Variants in DACH1 observed in about 807,000 individuals in gnomAD.
The protein encoded by DACH1 is dachshund family transcription factor 1.
A neutral mutation model predicts 54.2 loss-of-function variants in DACH1; 12 were observed. That is an observed-to-expected ratio of 0.22 (90% CI 0.14 to 0.36). DACH1 has a LOEUF of 0.36. Ranked by LOEUF, DACH1 falls within the 10% of genes least tolerant of loss-of-function variation. The probability of loss-of-function intolerance (pLI) is 1.00; values close to 1 mark genes in which losing one functional copy is unlikely to be tolerated. For synonymous variants in DACH1, 386 were observed against 366.2 expected, an observed-to-expected ratio of 1.05 and a Z score of -0.62; for missense variants, 805 against 929.8, an observed-to-expected ratio of 0.87 and a Z score of 1.75.
chr13:71,816,776 T>C (rs1324019518), intron 1 of DACH1, among the ~76,000 whole-genome samples: 1 of 151,618 alleles, frequency 6.6e-6, no homozygotes, highest in Non-Finnish European at 1.5e-5. Flanking sequence ...TGGATGGAGA[T>C]GGAGGCCATT....
At chr13:71,748,665 G>A (rs541754747) in intron 1 of DACH1, among the ~76,000 whole-genome samples, 1 of 152,182 alleles carries the variant, frequency 6.6e-6, no homozygotes, top group African/African-American at 2.4e-5. Flanking sequence ...AAGCTAACTG[G>A]AAGTCTGCTT....
At chr13:71,669,385 C>T (rs562418926) in intron 2 of DACH1, among the ~76,000 whole-genome samples, 9 of 152,128 alleles carry the variant, frequency 5.9e-5, no homozygotes, top group African/African-American at 1.4e-4. Context: ...ACTGCACATG[C>T]GAGAGATCTA....
intron 6 of DACH1, among the ~76,000 whole-genome samples, chr13:71,530,140 C>A (rs902802480): frequency 3.3e-5 from 5 of 152,076 alleles, no homozygotes; most frequent in Admixed American, 2.0e-4. Context: ...TAACACAACA[C>A]CATCATTGAA....
intron 1 of DACH1, among the ~76,000 whole-genome samples, chr13:71,843,569 A>G (rs528606373): frequency 6.6e-6 from 1 of 152,114 alleles, no homozygotes; most frequent in Non-Finnish European, 1.5e-5. Flanking sequence ...CCAATCATGA[A>G]TGTTATTTAA....
intron 3 of DACH1, 50 bp downstream of exon 3, chr13:71,630,505 TA>T: frequency 6.7e-7 from 1 of 1,503,702 alleles, no homozygotes; most frequent in Non-Finnish European, 8.8e-7. Flanking sequence ...GCATTTACTG[TA>T]ATTCAGTAGC....
rs73525412 is a variant in DACH1, at chr13:71,748,009, C to G, written c.849-66099G>C. On this transcript the variant is annotated intron_variant, in intron 1 of 10. Transcript: ENST00000613252. ...AAAGCAAAAAGCAATATGGAGAGAC[C>G]TTTGGGGGACAGCATGTTGACTTCC... is the stretch of plus-strand genomic sequence containing the variant. Among the ~76,000 whole-genome samples the G allele has an allele frequency of 5.9e-3, 904 of 152,104 alleles. 13 individuals are homozygous for G. Among genetic ancestry groups the G allele is most frequent in the African/African-American group, 0.021 (853 of 41,492 alleles).
intron 7 of DACH1, among the ~76,000 whole-genome samples, chr13:71,485,381 TA>T (rs1272302061): frequency 6.6e-6 from 1 of 151,228 alleles, no homozygotes; most frequent in Non-Finnish European, 1.5e-5. Flanking sequence ...TTTTAATTTC[TA>T]AAACACTCAA....
chr13:71,683,831 C>T (rs1454555648), intron 1 of DACH1, among the ~76,000 whole-genome samples: 1 of 152,010 alleles, frequency 6.6e-6, no homozygotes, highest in Non-Finnish European at 1.5e-5. Flanking sequence ...AAATATATAT[C>T]TATAGCCCAT....
At chr13:71,735,183 A>T (rs199745028) in intron 1 of DACH1, among the ~76,000 whole-genome samples, 13,036 of 52,854 alleles carry the variant, frequency 0.25, 4,580 homozygotes, top group Non-Finnish European at 0.42. Context: ...CGTATATGGG[A>T]TATACGTATG....
At chr13:71,594,179 T>A (rs1392365143) in intron 3 of DACH1, among the ~76,000 whole-genome samples, 1 of 151,516 alleles carries the variant, frequency 6.6e-6, no homozygotes, top group Non-Finnish European at 1.5e-5. Flanking sequence ...ATAAAAAAAT[T>A]TTTAGAAAGT....
chr13:71,788,308 C>G (rs1163505986), intron 1 of DACH1, among the ~76,000 whole-genome samples: 3 of 152,064 alleles, frequency 2.0e-5, no homozygotes, highest in East Asian at 3.9e-4. Context: ...AATGTTCTTT[C>G]CAATTCATAC....
intron 1 of DACH1, among the ~76,000 whole-genome samples, chr13:71,859,533 A>C (rs1245077828): frequency 6.6e-6 from 1 of 151,872 alleles, no homozygotes; most frequent in East Asian, 1.9e-4. Context: ...TTTATAGTGG[A>C]TTGAAAATTC....
At chr13:71,695,462 G>A (rs1881777673) in intron 1 of DACH1, among the ~76,000 whole-genome samples, 1 of 152,182 alleles carries the variant, frequency 6.6e-6, no homozygotes, top group Non-Finnish European at 1.5e-5. Context: ...AAAAAGAGAA[G>A]AAACTCTCAG....
chr13:71,677,561 T>G (rs933291411), intron 2 of DACH1, among the ~76,000 whole-genome samples: 1 of 152,172 alleles, frequency 6.6e-6, no homozygotes, highest in Non-Finnish European at 1.5e-5. Context: ...TACTTAATAT[T>G]AAGACTGGGA....
At chr13:71,757,834 T>C (rs1280187133) in intron 1 of DACH1, among the ~76,000 whole-genome samples, 1 of 152,134 alleles carries the variant, frequency 6.6e-6, no homozygotes, top group Non-Finnish European at 1.5e-5. Context: ...TAAAGGTACT[T>C]TGAAAGTAGC....
intron 3 of DACH1, among the ~76,000 whole-genome samples, chr13:71,581,558 T>A (rs1237588993): frequency 6.6e-6 from 1 of 152,172 alleles, no homozygotes; most frequent in East Asian, 1.9e-4. Flanking sequence ...CCAGCCCTAA[T>A]TATTATTCTT....
chr13:71,630,599 T>C lies in DACH1; in HGVS notation c.1083A>G (p.Gln361=), dbSNP rs760470561. 1.2e-6 allele frequency: 2 copies of C among 1,608,334 alleles called. No homozygotes were observed. Among genetic ancestry groups the C allele is most frequent in the Admixed American group, 3.4e-5 (2 of 58,172 alleles). ...AMSNYHASNN[Q]HGADSENGDM... is the part of the protein sequence containing the mutation. Reference sequence around the variant, plus strand: ...CCCCGTTTTCAGAGTCTGCTCCATGTTGGTTATTACTGGCATGATAGTTGC... The same window carrying C: ...CCCCGTTTTCAGAGTCTGCTCCATGCTGGTTATTACTGGCATGATAGTTGC... The change falls in exon 3 of 11, where the codon CAA becomes CAG. Residue 361 remains glutamine (Q), a synonymous_variant. Coordinates refer to ENST00000613252, the MANE Select transcript of DACH1 (RefSeq NM_080759.6).
intron 1 of DACH1, among the ~76,000 whole-genome samples, chr13:71,802,199 T>C (rs1326277501): frequency 6.6e-6 from 1 of 152,066 alleles, no homozygotes; most frequent in African/African-American, 2.4e-5. Flanking sequence ...TCCTTTCAGA[T>C]TGTCTGCTTT....
chr13:71,706,204 A>AT (rs1882433415), intron 1 of DACH1, among the ~76,000 whole-genome samples: 1 of 151,826 alleles, frequency 6.6e-6, no homozygotes, highest in Non-Finnish European at 1.5e-5. Flanking sequence ...AACTTCCTTG[A>AT]TTTTCTATAA....
Sources: allele counts gnomAD v4.1 joint callset (sites outside exome capture counted in the v4.1 genomes callset), GRCh38; gene constraint gnomAD v4.1.1; transcripts MANE v1.5; gene names NCBI Gene and HGNC (gene_info 2026-07-23, HGNC 2026-07-21).